The following HMCN1 variants were observed in gnomAD, a reference collection of about 807,000 sequenced individuals.
The protein encoded by HMCN1 is hemicentin-1.
A neutral mutation model predicts 625.9 loss-of-function variants in HMCN1; 321 were observed. The observed-to-expected ratio is 0.51, with a 90% CI of 0.47 to 0.56. HMCN1 has a LOEUF of 0.56. Among genes scored for constraint, HMCN1 ranks in the 20% least tolerant of loss-of-function variants. The probability of loss-of-function intolerance (pLI) is 0.00; values close to 1 mark genes in which losing one functional copy is unlikely to be tolerated. For synonymous variants in HMCN1, 2,425 were observed against 2,417.6 expected (o/e 1.00, Z -0.09); for missense variants, 6,588 against 6,887.3 (o/e 0.96, Z 1.54).
chr1:186,129,605 G>A (rs1158855592), intron 83 of HMCN1, among the ~76,000 whole-genome samples: 2 of 151,926 alleles, frequency 1.3e-5, no homozygotes, highest in East Asian at 1.9e-4. Context: ...GTGGTAATGA[G>A]ATAAATGAAA....
At chr1:185,902,405 C>CTCTATCTATCTATCTA (rs57523158) in intron 4 of HMCN1, among the ~76,000 whole-genome samples, 2 of 145,358 alleles carry the variant, frequency 1.4e-5, no homozygotes, top group African/African-American at 2.6e-5. Flanking sequence ...ATCTATCTAT[C>CTCTATCTATCTATCTA]TCTATCTATC....
intron 4 of HMCN1, among the ~76,000 whole-genome samples, chr1:185,903,167 T>C (rs1329891573): frequency 6.6e-6 from 1 of 151,884 alleles, no homozygotes; most frequent in Non-Finnish European, 1.5e-5. Context: ...CTTGACACTT[T>C]AAAATAACTA....
chr1:185,938,042 A>G (rs1165532634), intron 11 of HMCN1, among the ~76,000 whole-genome samples: 4 of 151,856 alleles, frequency 2.6e-5, no homozygotes, highest in African/African-American at 9.7e-5. Context: ...ATAAAAAATC[A>G]TGGATGTGGT....
chr1:185,991,712 TAA>T (rs527701139), intron 22 of HMCN1, among the ~76,000 whole-genome samples: 1 of 148,438 alleles, frequency 6.7e-6, no homozygotes, highest in African/African-American at 2.5e-5. Context: ...TTCTTTTTTT[TAA>T]AAAAAAAAAC....
chr1:186,156,382 A>G (rs947080061), intron 97 of HMCN1, among the ~76,000 whole-genome samples: 56 of 152,332 alleles, frequency 3.7e-4, no homozygotes, highest in East Asian at 1.9e-4. Context: ...AGAAAAATGC[A>G]TAAGGGAAAT....
At chr1:186,135,741 T>C (rs1335704293) in intron 86 of HMCN1, among the ~76,000 whole-genome samples, 1 of 152,228 alleles carries the variant, frequency 6.6e-6, no homozygotes, top group Non-Finnish European at 1.5e-5. Context: ...ATTTCTACTT[T>C]CTTAATAATT....
intron 83 of HMCN1, among the ~76,000 whole-genome samples, chr1:186,129,115 G>A (rs997906816): frequency 2.0e-5 from 3 of 151,738 alleles, no homozygotes; most frequent in Non-Finnish European, 4.4e-5. Flanking sequence ...TTCTGAAAGT[G>A]CAGTACTAAT....
At chr1:185,766,639 A>G (rs1655894615) in intron 1 of HMCN1, among the ~76,000 whole-genome samples, 1 of 152,162 alleles carries the variant, frequency 6.6e-6, no homozygotes, top group African/African-American at 2.4e-5. Context: ...TTACCTAGGC[A>G]GTTAAAACAG....
intron 68 of HMCN1, among the ~76,000 whole-genome samples, chr1:186,098,209 A>G (rs1660226398): frequency 6.6e-6 from 1 of 152,122 alleles, no homozygotes; most frequent in African/African-American, 2.4e-5. Context: ...AAATGGTATT[A>G]TATCAAACAA....
intron 30 of HMCN1, among the ~76,000 whole-genome samples, chr1:186,014,269 T>C (rs1383478747): frequency 3.3e-5 from 5 of 151,674 alleles, no homozygotes; most frequent in African/African-American, 1.2e-4. Flanking sequence ...GTTTGTAAGA[T>C]TATATTGATA....
chr1:186,166,666 G>C, intron 99 of HMCN1, 142 bp from the exon 100 acceptor site: 1 of 1,120,106 alleles, frequency 8.9e-7, no homozygotes, highest in Non-Finnish European at 1.3e-6. Flanking sequence ...CACCTGATGT[G>C]ACTCAACCAA....
chr1:186,003,477 A>G (rs941772743), intron 28 of HMCN1, among the ~76,000 whole-genome samples: 3 of 152,114 alleles, frequency 2.0e-5, no homozygotes, highest in Non-Finnish European at 2.9e-5. Context: ...AATGAACCCT[A>G]TACTGTCATA....
intron 40 of HMCN1, among the ~76,000 whole-genome samples, chr1:186,041,846 T>G (rs541056571): frequency 3.3e-5 from 5 of 152,320 alleles, no homozygotes; most frequent in South Asian, 4.1e-4. Flanking sequence ...TATGACCTCT[T>G]GAAGAGTTTC....
chr1:186,030,398 G>C (rs372270854), intron 36 of HMCN1, among the ~76,000 whole-genome samples: 2 of 151,892 alleles, frequency 1.3e-5, no homozygotes, highest in East Asian at 3.9e-4. Flanking sequence ...TTTATAATTG[G>C]TATATCCTGA....
chr1:185,990,146 A>G, intron 21 of HMCN1, 129 bp from the exon 22 acceptor site: 1 of 881,726 alleles, frequency 1.1e-6, no homozygotes, highest in African/African-American at 1.7e-5. Flanking sequence ...GGAAAGTTTT[A>G]GCTTATGTCC....
intron 1 of HMCN1, among the ~76,000 whole-genome samples, chr1:185,845,248 C>T (rs1571436703): frequency 6.6e-6 from 1 of 152,166 alleles, no homozygotes; most frequent in Non-Finnish European, 1.5e-5. Context: ...GAGATGGAGT[C>T]TCGCTGTCTC....
chr1:186,178,995 G>C (rs1248271490), intron 104 of HMCN1, among the ~76,000 whole-genome samples: 1 of 152,182 alleles, frequency 6.6e-6, no homozygotes, highest in Non-Finnish European at 1.5e-5. Context: ...GTTATAGTCA[G>C]TTTCTTTTTG....
chr1:186,125,852 C>T (rs1447342813), intron 82 of HMCN1, 58 bp downstream of exon 82: 1 of 1,322,490 alleles, frequency 7.6e-7, no homozygotes, highest in Non-Finnish European at 1.1e-6. Flanking sequence ...TGCCATCATA[C>T]TTTTAGTAAT....
intron 11 of HMCN1, among the ~76,000 whole-genome samples, chr1:185,940,720 C>T (rs1001197900): frequency 6.6e-6 from 1 of 152,028 alleles, no homozygotes; most frequent in Non-Finnish European, 1.5e-5. Flanking sequence ...AGTTGCTAGT[C>T]ATCTAGAAGC....
Sources: gnomAD v4.1 joint callset for allele counts (sites outside exome capture counted in the v4.1 genomes callset) on GRCh38, gnomAD v4.1.1 for gene constraint, MANE v1.5 for transcripts, NCBI Gene and HGNC (gene_info 2026-07-23, HGNC 2026-07-21) for gene names.